The following FUNDC2 variants were observed in gnomAD, a reference collection of about 807,000 sequenced individuals.
FUNDC2 encodes FUN14 domain containing 2, also known as FUN14 domain-containing protein 2.
FUNDC2 carries 4 observed loss-of-function variants against 15.6 expected under a neutral mutation model. That is an observed-to-expected ratio of 0.26 (90% CI 0.13 to 0.59). The LOEUF is 0.59. Ranked by LOEUF, FUNDC2 falls within the 20% of genes least tolerant of loss-of-function variation. The pLI, the probability that FUNDC2 is intolerant of heterozygous loss-of-function variation, is 0.90. For missense variants in FUNDC2, 98 were observed against 149.7 expected (o/e 0.65, Z 1.80); for synonymous variants, 44 against 56.9 (o/e 0.77, Z 1.02).
At chrX:155,040,227 G>C (rs782485565) in intron 2 of FUNDC2, among the ~76,000 whole-genome samples, 1 of 111,685 alleles carries the variant, frequency 9.0e-6, no homozygotes, top group South Asian at 3.7e-4. Context: ...AAAGTGAATA[G>C]TACAACTTAG....
At chrX:155,042,550 G>A (rs1225047784) in intron 2 of FUNDC2, among the ~76,000 whole-genome samples, 3 of 111,194 alleles carry the variant, frequency 2.7e-5, no homozygotes, top group South Asian at 7.5e-4. Flanking sequence ...TAGTTTTCAC[G>A]AAGCTTGGAA....
At position 155,026,998 on chromosome X, in the gene FUNDC2, C is replaced by T. The variant is rs907262206; in HGVS notation, c.60C>T (p.Ser20=). ...TGGTGGCGACAACTGCGCGCCACTC[C>T]GCGGCCTACCGCGCAGATCCTCTAC... The part of the protein sequence containing the change: ...SQVVATTARH[S]AAYRADPLRV... The change falls in exon 1 of 5, where the codon TCC becomes TCT. Residue 20 remains serine (S), a synonymous_variant. Transcript: ENST00000369498. 1.2e-5 allele frequency: 15 copies of T among 1,202,476 alleles called. No homozygotes were observed. The highest frequency in any genetic ancestry group is 1.7e-5 in the Non-Finnish European group (15 of 891,369).
chrX:155,030,320 C>T (rs1427032516), intron 1 of FUNDC2, among the ~76,000 whole-genome samples: 1 of 93,007 alleles, frequency 1.1e-5, no homozygotes, highest in African/African-American at 4.2e-5. Context: ...CACTTGGGGC[C>T]AGGAGTTCCA....
chrX:155,027,253 C>A, intron 1 of FUNDC2, 182 bp downstream of exon 1: 1 of 411,828 alleles, frequency 2.4e-6, no homozygotes, highest in Non-Finnish European at 3.7e-6. Flanking sequence ...CGGCCAAGGT[C>A]ACGCGCGTGT....
intron 2 of FUNDC2, among the ~76,000 whole-genome samples, chrX:155,036,931 C>G (rs2073832412): frequency 9.0e-6 from 1 of 110,994 alleles, no homozygotes; most frequent in Non-Finnish European, 1.9e-5. Flanking sequence ...TTTAGCATTT[C>G]CATCTGAATT....
chrX:155,042,175 C>CTTTTTTTTTTTTTTTTTT lies in FUNDC2; in HGVS notation c.285-4322_285-4305dup, dbSNP rs1175079092. 1.3e-4 allele frequency among the ~76,000 whole-genome samples: 5 copies of CTTTTTTTTTTTTTTTTTT among 39,200 alleles called. 2 individuals carry two copies. Among genetic ancestry groups the CTTTTTTTTTTTTTTTTTT allele is most frequent in the African/African-American group, 6.5e-4 (5 of 7,643 alleles). The allele number at this position is 39,200 out of a possible 115,157, so 34.0% of individuals were successfully genotyped here. Reference sequence around the variant, plus strand: ...CCTTGCTATAGTTTTCTTTTTCTATCTTTTTTTTTTTTTTTTTTTTTTTTT... The same window carrying CTTTTTTTTTTTTTTTTTT: ...CCTTGCTATAGTTTTCTTTTTCTATCTTTTTTTTTTTTTTTTTTTTTTTTTTTTTTTTTTTTTTTTTTT... On this transcript the variant is annotated intron_variant, in intron 2 of 4. Coordinates refer to ENST00000369498, the MANE Select transcript of FUNDC2 (RefSeq NM_023934.4).
At chrX:155,050,754 C>CT (rs2124197578) in intron 3 of FUNDC2, 1 of 111,968 alleles carries the variant, frequency 8.9e-6, no homozygotes, top group East Asian at 2.8e-4. Context: ...CTGAATTGCC[C>CT]TTACCCATTT....
At chrX:155,040,595 A>T (rs1557289470) in intron 2 of FUNDC2, among the ~76,000 whole-genome samples, 2 of 112,312 alleles carry the variant, frequency 1.8e-5, no homozygotes, top group Non-Finnish European at 1.9e-5. Flanking sequence ...GTTGGTGGAC[A>T]TCTGGGGTAT....
chrX:155,042,089 AAAAAAAG>A (rs1474701356), intron 2 of FUNDC2, among the ~76,000 whole-genome samples: 9 of 107,614 alleles, frequency 8.4e-5, no homozygotes, highest in African/African-American at 3.0e-4. Flanking sequence ...AAAAAAAAGA[AAAAAAAG>A]AAAAAAAAGA....
chrX:155,046,437 C>A, intron 2 of FUNDC2, 72 bp from the exon 3 acceptor site: 1 of 941,978 alleles, frequency 1.1e-6, no homozygotes, highest in Non-Finnish European at 1.5e-6. Context: ...AAGATATGAA[C>A]ATTGCCAGAA....
chrX:155,030,931 C>T (rs782805909), intron 1 of FUNDC2, among the ~76,000 whole-genome samples: 1 of 110,946 alleles, frequency 9.0e-6, no homozygotes. Flanking sequence ...AGGTGATCCA[C>T]CCGCCTCGGC....
chrX:155,042,916 T>C (rs2073852179), intron 2 of FUNDC2, among the ~76,000 whole-genome samples: 1 of 111,889 alleles, frequency 8.9e-6, no homozygotes, highest in African/African-American at 3.3e-5. Context: ...TCGGACATTG[T>C]AGTTTTTATT....
intron 2 of FUNDC2, among the ~76,000 whole-genome samples, chrX:155,039,207 G>T (rs2073840527): frequency 8.9e-6 from 1 of 112,037 alleles, no homozygotes; most frequent in Non-Finnish European, 1.9e-5. Flanking sequence ...AAATCAGGTT[G>T]TATTTTTACA....
chrX:155,029,338 T>C (rs1331654106), intron 1 of FUNDC2, among the ~76,000 whole-genome samples: 2 of 112,440 alleles, frequency 1.8e-5, no homozygotes, highest in Admixed American at 1.9e-4. Flanking sequence ...GAGCATAATA[T>C]ATGATTGTTT....
intron 2 of FUNDC2, among the ~76,000 whole-genome samples, chrX:155,042,799 C>A (rs1204400986): frequency 1.8e-5 from 2 of 111,833 alleles, no homozygotes; most frequent in African/African-American, 6.5e-5. Context: ...GTATCATAAC[C>A]ATTTTCATTT....
In FUNDC2 at chrX:155,056,178, G is replaced by A. The variant is rs782231402; in HGVS notation, c.*1506G>A. 1 of 111,559 alleles carries A rather than the reference G, an allele frequency of 9.0e-6. No homozygotes were observed. The highest frequency in any genetic ancestry group is 3.3e-5 in the African/African-American group (1 of 30,668). 9.2% of individuals were successfully genotyped at this position (111,559 alleles called of 1,213,427 possible). On this transcript the variant is annotated 3_prime_UTR_variant, in exon 5 of 5. Coordinates refer to ENST00000369498, the MANE Select transcript of FUNDC2 (RefSeq NM_023934.4). ...TGGACGCTTTCAGGAATATATAAAAGTAGAGAATATAGTACAATAATCCCC... is the reference window on the plus strand; with the variant it reads ...TGGACGCTTTCAGGAATATATAAAAATAGAGAATATAGTACAATAATCCCC...
chrX:155,029,160 C>G lies in FUNDC2; in HGVS notation c.133+2089C>G, dbSNP rs149004233. On this transcript the variant is annotated intron_variant, in intron 1 of 4. Coordinates refer to ENST00000369498, the MANE Select transcript of FUNDC2 (RefSeq NM_023934.4). ...GGACTTTCACCTCCTGAACTCAGCTCCTATGCTGTAAGGAAGCCTAGACTG... is the reference window on the plus strand; with the variant it reads ...GGACTTTCACCTCCTGAACTCAGCTGCTATGCTGTAAGGAAGCCTAGACTG... Among the ~76,000 whole-genome samples the G allele has an allele frequency of 2.2e-4, 25 of 111,711 alleles. No homozygotes were observed. The East Asian group carries it at 7.0e-3, about 31-fold the overall frequency.
At position 155,054,642 on chromosome X, in the gene FUNDC2, C is replaced by T. The variant is rs200940771; in HGVS notation, c.540C>T (p.Phe180=). ...KKNVLVTGGF[F]GGFLLGMAS ...ATGTTCTAGTAACTGGGGGATTTTT[C>T]GGAGGCTTTCTGCTTGGCATGGCAT... Residue 180 remains phenylalanine, a synonymous_variant, in exon 5 of 5, where the codon TTC becomes TTT. Coordinates refer to ENST00000369498, the MANE Select transcript of FUNDC2 (RefSeq NM_023934.4). 1.9e-4 allele frequency: 227 copies of T among 1,208,607 alleles called. No individual in the cohort carries two copies. Among genetic ancestry groups the T allele is most frequent in the South Asian group, 1.8e-3 (103 of 56,748 alleles).
rs781807513 is a variant in FUNDC2, at chrX:155,056,248, C to G, written c.*1576C>G. 1.8e-5 allele frequency: 2 copies of G among 111,936 alleles called. No individual in the cohort carries two copies. Among genetic ancestry groups the G allele is most frequent in the Admixed American group, 9.4e-5 (1 of 10,597 alleles). 9.2% of individuals were successfully genotyped at this position (111,936 alleles called of 1,213,427 possible). ...TCACAACAATCATCAAATTATAGCT[C>G]TGCTGGTTTTTACCAGTTATTGTGA... On this transcript the variant is annotated 3_prime_UTR_variant, in exon 5 of 5. Transcript: ENST00000369498.
Sources: gnomAD v4.1 joint callset for allele counts (sites outside exome capture counted in the v4.1 genomes callset) on GRCh38, gnomAD v4.1.1 for gene constraint, MANE v1.5 for transcripts, NCBI Gene and HGNC (gene_info 2026-07-23, HGNC 2026-07-21) for gene names.